Variants in AGBL4 observed in about 807,000 individuals in gnomAD.
AGBL4 encodes the protein cytosolic carboxypeptidase 6.
In AGBL4, 58 loss-of-function variants were observed where a neutral mutation model predicts 66.4. The ratio of observed to expected loss-of-function variants is 0.87; its 90% CI spans 0.71 to 1.09. The LOEUF (loss-of-function observed/expected upper bound fraction) is 1.09. Ranked by LOEUF, AGBL4 falls within the 50% of genes least tolerant of loss-of-function variation. The pLI, the probability that AGBL4 is intolerant of heterozygous loss-of-function variation, is 0.00. For missense variants in AGBL4, 579 were observed against 631.0 expected, an observed-to-expected ratio of 0.92 and a Z score of 0.88; for synonymous variants, 234 against 222.9, an observed-to-expected ratio of 1.05 and a Z score of -0.44.
chr1:49,241,274 C>T (rs1057104073), intron 4 of AGBL4, among the ~76,000 whole-genome samples: 1 of 152,010 alleles, frequency 6.6e-6, no homozygotes, highest in Non-Finnish European at 1.5e-5. Context: ...TCAAGTCCTA[C>T]TCTTTAGCTT....
intron 4 of AGBL4, among the ~76,000 whole-genome samples, chr1:49,107,703 G>A (rs1353126036): frequency 1.5e-5 from 1 of 68,502 alleles, no homozygotes; most frequent in Non-Finnish European, 4.4e-5. Flanking sequence ...GTGAGAGAGA[G>A]AGAGAGAGAG....
At chr1:48,929,912 G>GAAC (rs1422681027) in intron 5 of AGBL4, among the ~76,000 whole-genome samples, 1 of 152,152 alleles carries the variant, frequency 6.6e-6, no homozygotes, top group African/African-American at 2.4e-5. Flanking sequence ...TTCAAGGAAA[G>GAAC]AACACTTCCA....
chr1:49,583,456 C>A (rs946103519), intron 3 of AGBL4, among the ~76,000 whole-genome samples: 8 of 152,096 alleles, frequency 5.3e-5, no homozygotes, highest in Non-Finnish European at 1.2e-4. Context: ...AATTATCAAA[C>A]CCAAGGAGGG....
At chr1:49,299,573 A>AT (rs999164528) in intron 3 of AGBL4, among the ~76,000 whole-genome samples, 2 of 152,166 alleles carry the variant, frequency 1.3e-5, no homozygotes, top group Non-Finnish European at 2.9e-5. Flanking sequence ...CATTTTGTTC[A>AT]TTTTTAGTAG....
intron 1 of AGBL4, among the ~76,000 whole-genome samples, chr1:49,933,456 GA>G (rs1653576565): frequency 6.6e-6 from 1 of 152,026 alleles, no homozygotes; most frequent in South Asian, 2.1e-4. Context: ...AAAAGCATAT[GA>G]AAGTAAAAAA....
chr1:48,797,253 A>G (rs571402368), intron 6 of AGBL4, among the ~76,000 whole-genome samples: 10 of 152,182 alleles, frequency 6.6e-5, no homozygotes, highest in Non-Finnish European at 1.0e-4. Context: ...TTTTTGGGGA[A>G]CAGGTGGTTT....
intron 1 of AGBL4, among the ~76,000 whole-genome samples, chr1:49,892,940 C>T (rs900903129): frequency 6.6e-6 from 1 of 152,084 alleles, no homozygotes; most frequent in Non-Finnish European, 1.5e-5. Context: ...GTTCTCTTCT[C>T]TTTTCCTAAT....
At chr1:48,528,940 A>G (rs1230378098), downstream of AGBL4, among the ~76,000 whole-genome samples, 2 of 152,046 alleles carry the variant, frequency 1.3e-5, no homozygotes, top group Non-Finnish European at 2.9e-5. Flanking sequence ...TCAGCCTCAC[A>G]TGAGGCTGGG....
chr1:48,866,999 G>C (rs1280053318), intron 6 of AGBL4, among the ~76,000 whole-genome samples, 192 bp downstream of exon 6: 1 of 152,172 alleles, frequency 6.6e-6, no homozygotes, highest in Non-Finnish European at 1.5e-5. Context: ...AGGCAGCACA[G>C]GGCTGGCAGG....
intron 6 of AGBL4, among the ~76,000 whole-genome samples, chr1:48,734,420 C>G (rs904411653): frequency 3.3e-5 from 5 of 152,194 alleles, no homozygotes; most frequent in African/African-American, 1.2e-4. Context: ...CATCTCTCAC[C>G]AAGAGCACTG....
chr1:48,922,598 C>G (rs1166623343), intron 5 of AGBL4, among the ~76,000 whole-genome samples: 2 of 152,162 alleles, frequency 1.3e-5, no homozygotes, highest in Admixed American at 1.3e-4. Context: ...AGGCACCATA[C>G]TAGGCACCGG....
chr1:49,260,653 G>C (rs1387670879), intron 3 of AGBL4, among the ~76,000 whole-genome samples: 6 of 152,114 alleles, frequency 3.9e-5, no homozygotes, highest in Non-Finnish European at 7.3e-5. Flanking sequence ...CTCTGAAATT[G>C]TGGCAAAAAT....
intron 5 of AGBL4, among the ~76,000 whole-genome samples, chr1:48,869,156 C>T (rs776913981): frequency 6.6e-6 from 1 of 152,216 alleles, no homozygotes; most frequent in Non-Finnish European, 1.5e-5. Flanking sequence ...AACACACATA[C>T]CTGTTTTCCT....
intron 3 of AGBL4, among the ~76,000 whole-genome samples, chr1:49,531,976 T>A (rs778405202): frequency 1.4e-4 from 22 of 152,142 alleles, no homozygotes; most frequent in Non-Finnish European, 2.9e-4. Flanking sequence ...CAATACACTC[T>A]ATTTTGACTT....
chr1:49,442,978 T>C (rs1646069596), intron 3 of AGBL4, among the ~76,000 whole-genome samples: 1 of 152,176 alleles, frequency 6.6e-6, no homozygotes, highest in South Asian at 2.1e-4. Flanking sequence ...CCACGCTGAC[T>C]TGAGTAAAGA....
At chr1:49,182,095 G>A (rs1006414143) in intron 4 of AGBL4, among the ~76,000 whole-genome samples, 3 of 152,094 alleles carry the variant, frequency 2.0e-5, no homozygotes, top group African/African-American at 7.2e-5. Context: ...AAAAAATCCT[G>A]GGCATATTAG....
intron 5 of AGBL4, among the ~76,000 whole-genome samples, chr1:48,968,301 G>T (rs1658618141): frequency 6.6e-6 from 1 of 152,124 alleles, no homozygotes; most frequent in South Asian, 2.1e-4. Context: ...GAGCAATATG[G>T]TAAAAGTTCT....
At chr1:49,884,036 CTTT>C (rs1647735653) in intron 1 of AGBL4, among the ~76,000 whole-genome samples, 2 of 152,044 alleles carry the variant, frequency 1.3e-5, no homozygotes. Flanking sequence ...TATGGAATAA[CTTT>C]TATATTTATT....
At position 48,740,687 on chromosome 1, in the gene AGBL4, T is replaced by C. The variant is rs539986488; in HGVS notation, c.635-77446A>G. 4.6e-5 allele frequency among the ~76,000 whole-genome samples: 7 copies of C among 152,294 alleles called. No individual in the cohort carries two copies. In the South Asian group the frequency reaches 1.0e-3, roughly 23 times the overall value. ...TTATAGGACAAAAATCATTTCCTAC[T>C]AGGAAATGTGTCCCATTCCAGTGCT... On this transcript the variant is annotated intron_variant, in intron 6 of 13. Coordinates refer to ENST00000371839, the MANE Select transcript of AGBL4 (RefSeq NM_032785.4).
Sources: gnomAD v4.1 joint callset for allele counts (sites outside exome capture counted in the v4.1 genomes callset) on GRCh38, gnomAD v4.1.1 for gene constraint, MANE v1.5 for transcripts, NCBI Gene and HGNC (gene_info 2026-07-23, HGNC 2026-07-21) for gene names.